The following NT5M variants were observed in gnomAD, a reference collection of about 807,000 sequenced individuals.
NT5M encodes the protein 5'(3')-deoxyribonucleotidase, mitochondrial.
NT5M carries 22 observed loss-of-function variants against 22.2 expected under a neutral mutation model. That is an observed-to-expected ratio of 0.99 (90% CI 0.71 to 1.41). The LOEUF (loss-of-function observed/expected upper bound fraction) is 1.41, where lower values mean the gene tolerates loss of function less well. NT5M is among the 40% of genes most tolerant of loss of function. NT5M has a pLI of 0.00. For synonymous variants in NT5M, 167 were observed against 133.0 expected, an observed-to-expected ratio of 1.26 and a Z score of -1.76; for missense variants, 322 against 314.8, an observed-to-expected ratio of 1.02 and a Z score of -0.17.
In NT5M at chr17:17,303,685, G is replaced by A. The variant is rs1389522565; in HGVS notation, c.135G>A (p.Val45=). ...GGGTGCTGGTGGACATGGACGGCGT[G>A]CTGGCTGACTTCGAGGGCGGATTCC... ...ALRVLVDMDG[V]LADFEGGFLR... Residue 45 remains valine (V), a synonymous_variant, in exon 1 of 5, where the codon GTG becomes GTA. Coordinates refer to ENST00000389022, the MANE Select transcript of NT5M (RefSeq NM_020201.4). 2 of 1,585,700 alleles carry A rather than the reference G, an allele frequency of 1.3e-6. No individual in the cohort carries two copies. The highest frequency in any genetic ancestry group is 1.7e-5 in the Admixed American group (1 of 57,676).
chr17:17,330,830 C>T (rs987900246), intron 3 of NT5M, among the ~76,000 whole-genome samples: 1 of 150,278 alleles, frequency 6.7e-6, no homozygotes, highest in Non-Finnish European at 1.5e-5. Context: ...GAAAGCTCAG[C>T]CTCCCGGGTT....
intron 3 of NT5M, among the ~76,000 whole-genome samples, chr17:17,340,419 AAAC>A (rs889264092): frequency 3.3e-5 from 5 of 152,022 alleles, no homozygotes; most frequent in African/African-American, 1.2e-4. Flanking sequence ...CCTTTCCAAA[AAAC>A]CAACTTTTTG....
intron 2 of NT5M, among the ~76,000 whole-genome samples, chr17:17,311,182 A>G (rs2048915041): frequency 6.6e-6 from 1 of 152,046 alleles, no homozygotes; most frequent in Admixed American, 6.6e-5. Flanking sequence ...TGAAAATACA[A>G]AAATAATTAG....
rs1487154865 is a variant in NT5M, at chr17:17,303,726, C to A, written c.176C>A (p.Ala59Glu). Residue 59 changes from alanine to glutamate, a missense_variant, in exon 1 of 5, where the codon GCG becomes GAG. Transcript: ENST00000389022. ...GGCGGATTCCTCAGGAAGTTCCGCG[C>A]GCGCTTTCCCGACCAGCCCTTCATC... is the stretch of plus-strand genomic sequence containing the variant. ...FEGGFLRKFR[A>E]RFPDQPFIAL... 2 of 1,591,134 alleles carry A rather than the reference C, an allele frequency of 1.3e-6. No homozygotes were observed. The highest frequency in any genetic ancestry group is 1.7e-4 in the Middle Eastern group (1 of 5,892).
At chr17:17,309,820 T>C (rs1165879710) in intron 2 of NT5M, among the ~76,000 whole-genome samples, 4 of 151,494 alleles carry the variant, frequency 2.6e-5, no homozygotes, top group African/African-American at 4.9e-5. Flanking sequence ...GTAAAAACTT[T>C]TGTGGTTTTT....
chr17:17,303,573 G>A lies in NT5M; in HGVS notation c.23G>A (p.Cys8Tyr). The change falls in exon 1 of 5, where the codon TGT becomes TAT. Residue 8 changes from cysteine (C) to tyrosine (Y), a missense_variant. Transcript: ENST00000389022. The stretch of plus-strand genomic sequence containing the variant: ...GCCATGATCCGGCTGGGCGGCTGGT[G>A]TGCGCGGCGGCTCTGCAGCGCGGCG... MIRLGGW[C>Y]ARRLCSAAVP... is the part of the protein sequence containing the mutation. 8.8e-7 allele frequency: 1 copy of A among 1,130,352 alleles called. No individual in the cohort carries two copies. Among genetic ancestry groups the A allele is most frequent in the Non-Finnish European group, 1.1e-6 (1 of 920,246 alleles). 70.0% of individuals were successfully genotyped at this position (1,130,352 alleles called of 1,614,324 possible).
intron 3 of NT5M, among the ~76,000 whole-genome samples, chr17:17,341,791 G>T (rs1178548657): frequency 6.6e-6 from 1 of 152,192 alleles, no homozygotes; most frequent in African/African-American, 2.4e-5. Context: ...AGCACTTTGG[G>T]AGGCCACGGT....
At chr17:17,310,896 C>T (rs975467237) in intron 2 of NT5M, among the ~76,000 whole-genome samples, 4 of 152,066 alleles carry the variant, frequency 2.6e-5, no homozygotes, top group African/African-American at 4.8e-5. Context: ...CAGTGGCTCA[C>T]GCCTCTTATC....
intron 3 of NT5M, among the ~76,000 whole-genome samples, chr17:17,324,514 AG>A (rs1177748449): frequency 7.3e-5 from 11 of 149,942 alleles, no homozygotes; most frequent in Non-Finnish European, 1.5e-4. Flanking sequence ...AAAAAAAAAA[AG>A]AAATTCACAC....
intron 4 of NT5M, chr17:17,345,152 T>G (rs1597806877): frequency 9.4e-7 from 1 of 1,059,744 alleles, no homozygotes; most frequent in South Asian, 2.4e-5. Context: ...CTTGGGGAAG[T>G]CCCTTCAGCT....
intron 2 of NT5M, among the ~76,000 whole-genome samples, chr17:17,313,768 G>C (rs2048967760): frequency 6.6e-6 from 1 of 152,212 alleles, no homozygotes; most frequent in Non-Finnish European, 1.5e-5. Flanking sequence ...TGCTCCCCGG[G>C]AGGCCACGCC....
intron 3 of NT5M, among the ~76,000 whole-genome samples, chr17:17,340,643 T>C (rs1225630924): frequency 1.3e-5 from 2 of 151,852 alleles, no homozygotes; most frequent in Admixed American, 1.3e-4. Context: ...TCTCCTGCCT[T>C]AGCCTCTCGA....
rs2048830089 is a variant in NT5M, at chr17:17,307,519, TGCCTG to T, written c.368+877_368+881del. Among the ~76,000 whole-genome samples, 3 of 110,322 alleles carry T rather than the reference TGCCTG, an allele frequency of 2.7e-5. No homozygotes were observed. In the Admixed American group the frequency reaches 3.0e-4, roughly 11 times the overall value. The allele number at this position is 110,322 out of a possible 152,430, so 72.4% of individuals were successfully genotyped here. A position where few individuals can be genotyped will look rare whatever the true frequency, so the allele number is the denominator to read the frequency against. On this transcript the variant is annotated intron_variant, in intron 2 of 4. Coordinates refer to ENST00000389022, the MANE Select transcript of NT5M (RefSeq NM_020201.4). Reference sequence around the variant, plus strand: ...CTTTGGGAGGCTGAGGCAGGTGGATTGCCTGAGGTCAGGAGTTCGAGACCAGCCTG... The same window carrying T: ...CTTTGGGAGGCTGAGGCAGGTGGATTAGGTCAGGAGTTCGAGACCAGCCTG...
At position 17,303,777 on chromosome 17, in the gene NT5M, G is replaced by A. The variant is rs767038430; in HGVS notation, c.227G>A (p.Trp76Ter). The A allele has an allele frequency of 5.4e-5, 85 of 1,578,214 alleles. No individual in the cohort carries two copies. Among genetic ancestry groups the A allele is most frequent in the Non-Finnish European group, 7.2e-5 (84 of 1,163,764 alleles). The change falls in exon 1 of 5, where the codon TGG becomes TAG. Residue 76 changes from tryptophan (W) to a stop codon, truncating the protein, a stop_gained. Coordinates refer to ENST00000389022, the MANE Select transcript of NT5M (RefSeq NM_020201.4). LOFTEE classifies it high-confidence loss of function. ...FIALEDRRGF[W>*]VSEQYGRLRP... ...GCGCTGGAGGACCGGCGCGGCTTCTGGGTGTCGGAGCAGTACGGCCGCCTG... is the reference window on the plus strand; with the variant it reads ...GCGCTGGAGGACCGGCGCGGCTTCTAGGTGTCGGAGCAGTACGGCCGCCTG...
At chr17:17,331,448 T>C (rs2049383919) in intron 3 of NT5M, among the ~76,000 whole-genome samples, 1 of 151,796 alleles carries the variant, frequency 6.6e-6, no homozygotes, top group East Asian at 1.9e-4. Context: ...TTTTATGATA[T>C]GTGAATTACA....
chr17:17,325,600 A>C (rs1035442236), intron 3 of NT5M, among the ~76,000 whole-genome samples: 1 of 152,172 alleles, frequency 6.6e-6, no homozygotes, highest in Non-Finnish European at 1.5e-5. Flanking sequence ...TTTCAGTTCC[A>C]TGCAGGCTGA....
At chr17:17,335,016 T>G (rs961439321) in intron 3 of NT5M, among the ~76,000 whole-genome samples, 6 of 152,066 alleles carry the variant, frequency 3.9e-5, no homozygotes, top group African/African-American at 1.4e-4. Flanking sequence ...GTAGGCCACC[T>G]CTACCTTCTC....
intron 2 of NT5M, among the ~76,000 whole-genome samples, chr17:17,318,402 C>T (rs2049077428): frequency 6.8e-6 from 1 of 146,660 alleles, no homozygotes; most frequent in African/African-American, 2.5e-5. Flanking sequence ...ATCACTTGAA[C>T]TGGGGAAACG....
At chr17:17,343,234 C>CTCAACT (rs1238256002) in intron 3 of NT5M, among the ~76,000 whole-genome samples, 2 of 152,028 alleles carry the variant, frequency 1.3e-5, no homozygotes, top group African/African-American at 2.4e-5. Context: ...GGAGAAGGGC[C>CTCAACT]CTGTGCATAT....
Sources: gnomAD v4.1 joint callset for allele counts (sites outside exome capture counted in the v4.1 genomes callset) on GRCh38, gnomAD v4.1.1 for gene constraint, MANE v1.5 for transcripts, NCBI Gene and HGNC (gene_info 2026-07-23, HGNC 2026-07-21) for gene names.